Variants in CCDC7 observed in about 807,000 individuals in gnomAD.
The protein encoded by CCDC7 is coiled-coil domain-containing protein 7.
In CCDC7, 183 loss-of-function variants were observed where a neutral mutation model predicts 196.9. The ratio of observed to expected loss-of-function variants is 0.93; its 90% CI spans 0.82 to 1.05. CCDC7 has a LOEUF of 1.05. Ranked by LOEUF, CCDC7 falls within the 50% of genes least tolerant of loss-of-function variation. The pLI is 0.00. For synonymous variants in CCDC7, 525 were observed against 484.6 expected, an observed-to-expected ratio of 1.08 and a Z score of -1.10; for missense variants, 1,540 against 1,482.2, an observed-to-expected ratio of 1.04 and a Z score of -0.64.
chr10:32,818,616 C>A (rs1009743316), intron 31 of CCDC7, among the ~76,000 whole-genome samples: 1 of 152,128 alleles, frequency 6.6e-6, no homozygotes, highest in South Asian at 2.1e-4. Flanking sequence ...AATGTAAAAG[C>A]ACAGAAATTA....
At chr10:32,586,646 G>T (rs2059308930) in intron 18 of CCDC7, among the ~76,000 whole-genome samples, 1 of 152,080 alleles carries the variant, frequency 6.6e-6, no homozygotes, top group African/African-American at 2.4e-5. Flanking sequence ...TTTCCCTATT[G>T]CTTGTTTTTG....
chr10:32,528,859 A>G (rs1043793464), intron 11 of CCDC7, among the ~76,000 whole-genome samples: 1 of 151,334 alleles, frequency 6.6e-6, no homozygotes, highest in African/African-American at 2.4e-5. Context: ...GGCTGGTTCC[A>G]TATTTTTGCA....
intron 40 of CCDC7, 89 bp downstream of exon 41, chr10:32,852,021 AT>A: frequency 7.4e-7 from 1 of 1,356,784 alleles, no homozygotes; most frequent in Non-Finnish European, 9.9e-7. Context: ...AGCTTTAGTC[AT>A]ATAACAGTTT....
Position 32,713,730 on chromosome 10 carries a change from C to G in CCDC7, c.2569+2000C>G, listed in dbSNP as rs1310392887. ...TTGTTTGGTGACCAATCTCATAGAT[C>G]TCCTCTAGAAGGCCATTGCCTGGAT... On this transcript the variant is annotated intron_variant, in intron 25 of 41. Coordinates refer to ENST00000639629, the Ensembl canonical transcript of CCDC7. Among the ~76,000 whole-genome samples, 3 of 152,204 alleles carry G rather than the reference C, an allele frequency of 2.0e-5. No homozygotes were observed. In the South Asian group the frequency reaches 6.2e-4, roughly 31 times the overall value.
At chr10:32,524,897 G>A (rs550288740) in intron 11 of CCDC7, among the ~76,000 whole-genome samples, 1 of 152,116 alleles carries the variant, frequency 6.6e-6, no homozygotes, top group African/African-American at 2.4e-5. Context: ...CTATAACCTT[G>A]TACTGGAATG....
chr10:32,596,630 C>G (rs915387329), intron 18 of CCDC7, among the ~76,000 whole-genome samples: 1 of 152,160 alleles, frequency 6.6e-6, no homozygotes, highest in Non-Finnish European at 1.5e-5. Flanking sequence ...CTAGCCTCGA[C>G]GATCTTTACA....
At chr10:32,739,112 C>G (rs1024730568) in intron 28 of CCDC7, among the ~76,000 whole-genome samples, 6 of 152,090 alleles carry the variant, frequency 3.9e-5, no homozygotes, top group Admixed American at 3.3e-4. Flanking sequence ...ATGATTAGGT[C>G]TAGACATTTT....
intron 13 of CCDC7, among the ~76,000 whole-genome samples, chr10:32,561,712 T>C (rs1356079210): frequency 7.3e-5 from 11 of 150,220 alleles, no homozygotes; most frequent in African/African-American, 9.8e-5. Context: ...AGATCTAAAA[T>C]GGACACCCTA....
At chr10:32,802,755 G>A (rs567507859) in intron 29 of CCDC7, among the ~76,000 whole-genome samples, 46 of 151,884 alleles carry the variant, frequency 3.0e-4, no homozygotes, top group African/African-American at 1.1e-3. Context: ...ACTGGTGTAG[G>A]TCCAAGAGTC....
exon 28 of CCDC7, chr10:32,729,430 C>T: frequency 7.4e-7 from 1 of 1,348,430 alleles, no homozygotes; most frequent in Non-Finnish European, 1.0e-6. Flanking sequence ...AACGAAGAAA[C>T]TTCAAGCTAA....
chr10:32,636,497 C>T (rs557424724), intron 20 of CCDC7, among the ~76,000 whole-genome samples: 27 of 152,092 alleles, frequency 1.8e-4, no homozygotes, highest in South Asian at 4.2e-4. Context: ...TTTGTCCTTG[C>T]GATAGTTTGC....
chr10:32,634,942 C>T (rs2065396671), intron 19 of CCDC7, 115 bp from the exon 21 acceptor site: 4 of 393,768 alleles, frequency 1.0e-5, no homozygotes, highest in African/African-American at 4.1e-5. Flanking sequence ...TTAACGAATA[C>T]CTCACTGCTG....
chr10:32,504,318 G>T (rs951812069), intron 9 of CCDC7, among the ~76,000 whole-genome samples: 1 of 151,880 alleles, frequency 6.6e-6, no homozygotes, highest in African/African-American at 2.4e-5. Context: ...GGGTTTCACC[G>T]TGTTAGCCAG....
chr10:32,595,463 C>G (rs1032689691), intron 18 of CCDC7, among the ~76,000 whole-genome samples: 2 of 152,108 alleles, frequency 1.3e-5, no homozygotes, highest in African/African-American at 4.8e-5. Context: ...TGCGAGTGGT[C>G]TATCAATTTT....
At chr10:32,832,100 A>G (rs181226149) in intron 32 of CCDC7, among the ~76,000 whole-genome samples, 262 of 152,254 alleles carry the variant, frequency 1.7e-3, no homozygotes, top group Middle Eastern at 0.014. Context: ...AATCTTACGG[A>G]ATCACCATCT....
At chr10:32,741,579 A>G (rs1252989352) in intron 28 of CCDC7, among the ~76,000 whole-genome samples, 1 of 152,222 alleles carries the variant, frequency 6.6e-6, no homozygotes, top group Non-Finnish European at 1.5e-5. Flanking sequence ...TTTGTAATCT[A>G]TATTTGGTTG....
At chr10:32,780,411 A>G (rs1179869265) in intron 29 of CCDC7, among the ~76,000 whole-genome samples, 1 of 152,204 alleles carries the variant, frequency 6.6e-6, no homozygotes, top group Non-Finnish European at 1.5e-5. Context: ...AATACTCAAA[A>G]GACAAATATA....
chr10:32,760,360 G>A (rs1331949776), intron 28 of CCDC7, among the ~76,000 whole-genome samples: 5 of 151,978 alleles, frequency 3.3e-5, no homozygotes, highest in Admixed American at 3.3e-4. Context: ...GTCCAACAAT[G>A]ATAGACTGGA....
At chr10:32,848,743 G>A in intron 39 of CCDC7, 25 bp downstream of exon 40, 1 of 1,449,102 alleles carries the variant, frequency 6.9e-7, no homozygotes, top group Non-Finnish European at 9.6e-7. Context: ...ATGTAGATAT[G>A]AATTCAGTAT....
Sources: allele counts gnomAD v4.1 joint callset (sites outside exome capture counted in the v4.1 genomes callset), GRCh38; gene constraint gnomAD v4.1.1; transcripts MANE v1.5; gene names NCBI Gene and HGNC (gene_info 2026-07-23, HGNC 2026-07-21).